COL15A1: variants seen among roughly 807,000 people sequenced by gnomAD.
COL15A1 encodes the protein collagen alpha-1(XV) chain.
COL15A1 carries 111 observed loss-of-function variants against 165.9 expected under a neutral mutation model. The observed-to-expected ratio is 0.67, with a 90% CI of 0.57 to 0.78. COL15A1 has a LOEUF of 0.78. Ranked by LOEUF, COL15A1 falls within the 30% of genes least tolerant of loss-of-function variation. The pLI is 0.00. For missense variants in COL15A1, 1,745 were observed against 1,789.7 expected (o/e 0.98, Z 0.45); for synonymous variants, 659 against 674.8 (o/e 0.98, Z 0.36).
In COL15A1 at chr9:99,036,188, G is replaced by T; in HGVS notation, c.2308G>T (p.Gly770Ter). Residue 770 changes from glycine to a stop codon, truncating the protein, a stop_gained, in exon 20 of 42, where the codon GGA becomes TGA. Transcript: ENST00000375001. LOFTEE classifies it high-confidence loss of function. ...TAAIGLKGEK[G>*]DRGPKGERGM... ...TTTCCAGGGTCTCAAAGGAGAGAAAGGAGACCGGGGACCCAAGGTGAGGTC... is the reference window on the plus strand; with the variant it reads ...TTTCCAGGGTCTCAAAGGAGAGAAATGAGACCGGGGACCCAAGGTGAGGTC... The T allele has an allele frequency of 1.2e-6, 2 of 1,613,232 alleles. No individual in the cohort carries two copies. Among genetic ancestry groups the T allele is most frequent in the Non-Finnish European group, 1.7e-6 (2 of 1,179,220 alleles).
chr9:98,981,428 G>T (rs1838234324), intron 2 of COL15A1, among the ~76,000 whole-genome samples: 1 of 152,128 alleles, frequency 6.6e-6, no homozygotes, highest in Non-Finnish European at 1.5e-5. Context: ...CTGCACTCCA[G>T]CCTGGTCAAC....
rs759193695 is a variant in COL15A1, at chr9:99,066,981, C to T, written c.3751C>T (p.Arg1251Ter). ...AGCTGCAGGACTGTTGTCCACCTAC[C>T]GAGCATTCTTATCTTCCCATTTGCA... Reference protein sequence around the residue: ...ARAAGLLSTYRAFLSSHLQDL... With the variant: ...ARAAGLLSTY Residue 1251 changes from arginine (R) to a stop codon, truncating the protein, a stop_gained, in exon 40 of 42, where the codon CGA becomes TGA. Coordinates refer to ENST00000375001, the MANE Select transcript of COL15A1 (RefSeq NM_001855.5). LOFTEE classifies it high-confidence loss of function. 10 of 1,614,092 alleles carry T rather than the reference C, an allele frequency of 6.2e-6. No individual in the cohort carries two copies. In the South Asian group the frequency reaches 8.8e-5, roughly 14 times the overall value.
chr9:99,010,328 G>A (rs1838830823), intron 9 of COL15A1, among the ~76,000 whole-genome samples: 1 of 152,154 alleles, frequency 6.6e-6, no homozygotes, highest in African/African-American at 2.4e-5. Flanking sequence ...GATCCCTGGT[G>A]GACTGAACAA....
intron 6 of COL15A1, among the ~76,000 whole-genome samples, chr9:98,998,774 A>C (rs1227338648): frequency 6.6e-6 from 1 of 152,324 alleles, no homozygotes; most frequent in South Asian, 2.1e-4. Flanking sequence ...TCTGATCCCA[A>C]CGCAGCTCGC....
chr9:99,043,255 A>C (rs953055434), intron 24 of COL15A1, among the ~76,000 whole-genome samples: 2 of 151,902 alleles, frequency 1.3e-5, no homozygotes, highest in African/African-American at 4.8e-5. Flanking sequence ...TGCTGGGTGA[A>C]GGTTTGGCAT....
At chr9:99,028,845 T>C (rs1839171921) in intron 16 of COL15A1, among the ~76,000 whole-genome samples, 1 of 152,122 alleles carries the variant, frequency 6.6e-6, no homozygotes, top group East Asian at 1.9e-4. Flanking sequence ...ATTGAAATTA[T>C]ACAAATTAAA....
chr9:99,026,803 G>A (rs776146122), intron 16 of COL15A1, among the ~76,000 whole-genome samples: 5 of 152,116 alleles, frequency 3.3e-5, no homozygotes, highest in Admixed American at 6.5e-5. Context: ...GAGCATCATA[G>A]GAAGTTCCCA....
At chr9:98,998,264 A>G (rs961494278) in intron 6 of COL15A1, among the ~76,000 whole-genome samples, 2 of 152,200 alleles carry the variant, frequency 1.3e-5, no homozygotes, top group Non-Finnish European at 2.9e-5. Context: ...TTATTAATAC[A>G]AGTCTTCTAC....
chr9:99,024,749 T>C, intron 14 of COL15A1, 125 bp from the exon 15 acceptor site: 2 of 1,129,366 alleles, frequency 1.8e-6, no homozygotes, highest in East Asian at 5.0e-5. Context: ...CCGCATCTGC[T>C]AAGTGGGATC....
intron 2 of COL15A1, among the ~76,000 whole-genome samples, chr9:98,975,133 C>G (rs755632321): frequency 8.5e-5 from 13 of 152,248 alleles, no homozygotes; most frequent in Non-Finnish European, 1.6e-4. Flanking sequence ...CCTCAGCCTC[C>G]CTCGCGCCTC....
intron 11 of COL15A1, among the ~76,000 whole-genome samples, chr9:99,019,138 A>G (rs893842885): frequency 3.3e-5 from 5 of 152,200 alleles, no homozygotes; most frequent in African/African-American, 9.6e-5. Flanking sequence ...GTCTAAAAGC[A>G]CAAGATTGTC....
chr9:99,068,499 A>G, intron 40 of COL15A1, 56 bp from the exon 41 acceptor site: 2 of 706,968 alleles, frequency 2.8e-6, no homozygotes, highest in Non-Finnish European at 4.4e-6. Flanking sequence ...GTAAAAATCT[A>G]ACTCATTTGT....
intron 5 of COL15A1, among the ~76,000 whole-genome samples, chr9:98,995,578 A>G (rs1838529007): frequency 6.6e-6 from 1 of 152,046 alleles, no homozygotes. Flanking sequence ...GGCTCTTGCC[A>G]AGCTCAAGTT....
In COL15A1 at chr9:99,039,895, C is replaced by T. The variant is rs143397964; in HGVS notation, c.2476-626C>T. On this transcript the variant is annotated intron_variant, in intron 22 of 41. Coordinates refer to ENST00000375001, the MANE Select transcript of COL15A1 (RefSeq NM_001855.5). The stretch of plus-strand genomic sequence containing the variant: ...GTGCAATGCCGATGTCCCTGCCTCT[C>T]CTGCAGATCCCCATGAGGTTGCCCT... Among the ~76,000 whole-genome samples, 781 of 152,310 alleles carry T rather than the reference C, an allele frequency of 5.1e-3. 2 individuals carry two copies. The highest frequency in any genetic ancestry group is 8.7e-3 in the Non-Finnish European group (589 of 68,034).
At chr9:99,031,719 C>T (rs1189979990) in intron 16 of COL15A1, among the ~76,000 whole-genome samples, 6 of 152,206 alleles carry the variant, frequency 3.9e-5, no homozygotes, top group East Asian at 1.9e-4. Flanking sequence ...GAAGTGCCTT[C>T]GGGCTGGTAG....
At chr9:98,996,027 C>T (rs1226333072) in intron 5 of COL15A1, among the ~76,000 whole-genome samples, 1 of 152,146 alleles carries the variant, frequency 6.6e-6, no homozygotes. Context: ...GATGGGGCTT[C>T]CAAGAATCCT....
At chr9:99,063,370 C>T (rs531584756) in intron 39 of COL15A1, among the ~76,000 whole-genome samples, 3 of 151,938 alleles carry the variant, frequency 2.0e-5, no homozygotes, top group Non-Finnish European at 2.9e-5. Context: ...CAGCTGAGTT[C>T]GGGAGTGAGC....
chr9:99,031,556 G>A (rs1248986831), intron 16 of COL15A1, among the ~76,000 whole-genome samples: 2 of 152,132 alleles, frequency 1.3e-5, no homozygotes, highest in Non-Finnish European at 2.9e-5. Flanking sequence ...GCAGTTTTGC[G>A]GACACGTCAT....
intron 2 of COL15A1, among the ~76,000 whole-genome samples, chr9:98,971,893 C>T (rs1838062320): frequency 6.6e-6 from 1 of 152,190 alleles, no homozygotes; most frequent in African/African-American, 2.4e-5. Flanking sequence ...CTCCTCAGTT[C>T]CTTATCCGCT....
Sources: gnomAD v4.1 joint callset for allele counts (sites outside exome capture counted in the v4.1 genomes callset) on GRCh38, gnomAD v4.1.1 for gene constraint, MANE v1.5 for transcripts, NCBI Gene and HGNC (gene_info 2026-07-23, HGNC 2026-07-21) for gene names.